The following VWF variants were observed in gnomAD, a reference collection of about 807,000 sequenced individuals.
VWF encodes the protein von Willebrand factor.
VWF carries 176 observed loss-of-function variants against 308.6 expected under a neutral mutation model. That is an observed-to-expected ratio of 0.57 (90% CI 0.50 to 0.65). The LOEUF is 0.65. Ranked by LOEUF, VWF falls within the 30% of genes least tolerant of loss-of-function variation. The pLI is 0.00. For missense variants in VWF, 3,146 were observed against 3,648.2 expected (o/e 0.86, Z 3.55); for synonymous variants, 1,385 against 1,443.4 (o/e 0.96, Z 0.92).
chr12:6,049,994 G>A (rs944161196), intron 16 of VWF, among the ~76,000 whole-genome samples: 3 of 152,052 alleles, frequency 2.0e-5, no homozygotes, highest in East Asian at 1.9e-4. Flanking sequence ...AGGGATCCTC[G>A]CTACTCTCAT....
Position 5,967,505 on chromosome 12 carries a change from G to C in VWF, c.7868C>G (p.Thr2623Ser). ...SGFKLECRKT[T>S]CNPCPLGYKE... Reference sequence around the variant, plus strand: ...TCTTACCAGGGGGCAGGGGTTGCAGGTGGTCTTCCTGCACTCCAGCTTGAA... The same window carrying C: ...TCTTACCAGGGGGCAGGGGTTGCAGCTGGTCTTCCTGCACTCCAGCTTGAA... The change falls in exon 47 of 52, where the codon ACC becomes AGC. Residue 2623 changes from threonine (T) to serine (S), a missense_variant. This residue lies in a region of VWF where 989 missense variants were observed against 1,117.4 expected (regional missense o/e 0.89). Transcript: ENST00000261405. The C allele has an allele frequency of 9.3e-6, 15 of 1,614,148 alleles. No individual in the cohort carries two copies. Among genetic ancestry groups the C allele is most frequent in the Non-Finnish European group, 1.3e-5 (15 of 1,180,022 alleles).
Position 6,057,151 on chromosome 12 carries a change from A to T in VWF, c.1730-79T>A. The T allele has an allele frequency of 2.2e-6, 3 of 1,349,336 alleles. No individual in the cohort carries two copies. The South Asian group carries it at 4.0e-5, about 18-fold the overall frequency. The allele number at this position is 1,349,336 out of a possible 1,614,324, so 83.6% of individuals were successfully genotyped here. A position where few individuals can be genotyped will look rare whatever the true frequency, so the allele number is the denominator to read the frequency against. On this transcript the variant is annotated intron_variant, in intron 14 of 51. Coordinates refer to ENST00000261405, the MANE Select transcript of VWF (RefSeq NM_000552.5). The stretch of plus-strand genomic sequence containing the variant: ...GCCCTCCCGGTCAACACTCCCCTGG[A>T]AATAGCCCAGTGCTGCTAATAGAGG...
At position 6,046,597 on chromosome 12, in the gene VWF, A is replaced by T; in HGVS notation, c.2281+126T>A. 2 of 966,090 alleles carry T rather than the reference A, an allele frequency of 2.1e-6. No individual in the cohort carries two copies. Among genetic ancestry groups the T allele is most frequent in the Non-Finnish European group, 3.3e-6 (2 of 610,640 alleles). 59.8% of individuals were successfully genotyped at this position (966,090 alleles called of 1,614,324 possible). On this transcript the variant is annotated intron_variant, in intron 17 of 51. Transcript: ENST00000261405. This position sits in a 1 kb window ranked among gnomAD's most constrained non-coding sequence, Gnocchi z 5.0. Reference sequence around the variant, plus strand: ...CCAGAAATGAAGGCGATCCTGGGCGAAGCCAGACCCATGCCTGGGTGCACA... The same window carrying T: ...CCAGAAATGAAGGCGATCCTGGGCGTAGCCAGACCCATGCCTGGGTGCACA...
rs571169657 is a variant in VWF at position 6,059,370 on chromosome 12, G to A, written c.1534-1326C>T. Among the ~76,000 whole-genome samples, 5 of 152,326 alleles carry A rather than the reference G, an allele frequency of 3.3e-5. 1 individual carries two copies. The highest frequency in any genetic ancestry group is 1.2e-4 in the African/African-American group (5 of 41,578). ...TAGAACTTAAGCTAAATGAGGCAAGGATTTTTGTCTGTTTTGTCTCACTGC... is the reference window on the plus strand; with the variant it reads ...TAGAACTTAAGCTAAATGAGGCAAGAATTTTTGTCTGTTTTGTCTCACTGC... On this transcript the variant is annotated intron_variant, in intron 13 of 51. Coordinates refer to ENST00000261405, the MANE Select transcript of VWF (RefSeq NM_000552.5).
chr12:5,983,372 G>A lies in VWF; in HGVS notation c.6977-118C>T, dbSNP rs933434162. On this transcript the variant is annotated intron_variant, in intron 40 of 51. Coordinates refer to ENST00000261405, the MANE Select transcript of VWF (RefSeq NM_000552.5). ...ACTTCTACTGTTTTAGGTAAGTGAT[G>A]ATGATGGAGACAGAGATTACATGGG... 7.3e-5 allele frequency: 65 copies of A among 895,854 alleles called. No individual in the cohort carries two copies. The African/African-American group carries it at 7.8e-4, about 11-fold the overall frequency. 55.5% of individuals were successfully genotyped at this position (895,854 alleles called of 1,614,324 possible). A position where few individuals can be genotyped will look rare whatever the true frequency, so the allele number is the denominator to read the frequency against.
intron 18 of VWF, among the ~76,000 whole-genome samples, chr12:6,036,805 C>T (rs1214457455): frequency 1.3e-5 from 2 of 152,178 alleles, no homozygotes; most frequent in Non-Finnish European, 2.9e-5. Context: ...GACATTTTTG[C>T]AAAGGTACTT....
intron 3 of VWF, among the ~76,000 whole-genome samples, chr12:6,113,229 A>G (rs1238149485): frequency 6.6e-6 from 1 of 152,190 alleles, no homozygotes; most frequent in Non-Finnish European, 1.5e-5. Flanking sequence ...GAAGCTGAAC[A>G]AACTTACTGA....
intron 6 of VWF, among the ~76,000 whole-genome samples, chr12:6,092,175 C>A (rs1945041620): frequency 6.6e-6 from 1 of 152,132 alleles, no homozygotes; most frequent in Admixed American, 6.6e-5. Flanking sequence ...CGGACTCCCC[C>A]TTGGCCAAAG....
Position 6,073,671 on chromosome 12 carries a change from C to T in VWF, c.945G>A (p.Leu315=). 1.2e-6 allele frequency: 2 copies of T among 1,614,090 alleles called. No individual in the cohort carries two copies. The highest frequency in any genetic ancestry group is 1.7e-6 in the Non-Finnish European group (2 of 1,180,004). The stretch of plus-strand genomic sequence containing the variant: ...GCTCCTGACACATTTCATTGATGTG[C>T]AGGCTCTGGCAGGTCCTGGCGCAAG... ...VSPCARTCQS[L]HINEMCQERC... The change falls in exon 8 of 52, where the codon CTG becomes CTA. Residue 315 remains leucine (L), a synonymous_variant. Coordinates refer to ENST00000261405, the MANE Select transcript of VWF (RefSeq NM_000552.5).
chr12:6,095,502 A>G lies in VWF; in HGVS notation c.615T>C (p.Pro205=). ...SGEQWCERAS[P]PSSSCNISSG... Reference sequence around the variant, plus strand: ...AGGAGATGTTGCATGAGCTGCTGGGAGGAGATGCCCGTTCACACCACTGTT... The same window carrying G: ...AGGAGATGTTGCATGAGCTGCTGGGGGGAGATGCCCGTTCACACCACTGTT... The change falls in exon 6 of 52, where the codon CCT becomes CCC. Residue 205 remains proline, a synonymous_variant. Transcript: ENST00000261405. 1 of 1,614,094 alleles carries G rather than the reference A, an allele frequency of 6.2e-7. No homozygotes were observed. Among genetic ancestry groups the G allele is most frequent in the Non-Finnish European group, 8.5e-7 (1 of 1,180,014 alleles).
chr12:6,104,699 A>G (rs932056245), intron 5 of VWF, among the ~76,000 whole-genome samples: 5 of 146,726 alleles, frequency 3.4e-5, no homozygotes, highest in African/African-American at 9.9e-5. Flanking sequence ...TCTGTCTCGG[A>G]AAAAAAAAAA....
chr12:6,062,833 G>C (rs990651566), intron 13 of VWF, 121 bp downstream of exon 13: 28 of 793,716 alleles, frequency 3.5e-5, no homozygotes, highest in Admixed American at 1.2e-4. Context: ...CGCTCTGGGG[G>C]TGTAGGCCAT....
intron 34 of VWF, among the ~76,000 whole-genome samples, chr12:6,002,748 G>A (rs1434976890): frequency 1.3e-5 from 2 of 152,038 alleles, no homozygotes; most frequent in Non-Finnish European, 2.9e-5. Context: ...AACTTCCAAA[G>A]ACCTGATAGT....
At chr12:6,068,027 C>A (rs894891013) in intron 10 of VWF, among the ~76,000 whole-genome samples, 1 of 150,044 alleles carries the variant, frequency 6.7e-6, no homozygotes, top group Non-Finnish European at 1.5e-5. Flanking sequence ...CCCAGCTACT[C>A]GGGAGGCTGA....
At chr12:5,984,571 C>T (rs772236401) in intron 40 of VWF, among the ~76,000 whole-genome samples, 3 of 152,346 alleles carry the variant, frequency 2.0e-5, no homozygotes, top group African/African-American at 7.2e-5. Flanking sequence ...CCATGCTAAC[C>T]GTAATTCCAT....
In VWF at chr12:5,952,123, A is replaced by G. The variant is rs1331249072; in HGVS notation, c.8116-240T>C. 4.7e-6 allele frequency: 3 copies of G among 639,546 alleles called. No individual in the cohort carries two copies. In the African/African-American group the frequency reaches 5.5e-5, roughly 12 times the overall value. 39.6% of individuals were successfully genotyped at this position (639,546 alleles called of 1,614,324 possible). ...GTCATCAGGATCTTCATTCCCAGGG[A>G]GACTAAAAATCAGTTTGATCTCACA... On this transcript the variant is annotated intron_variant, in intron 49 of 51. Transcript: ENST00000261405.
intron 3 of VWF, among the ~76,000 whole-genome samples, chr12:6,111,893 G>A (rs1945311916): frequency 6.6e-6 from 1 of 152,016 alleles, no homozygotes; most frequent in South Asian, 2.1e-4. Context: ...AGGAGGCGGA[G>A]CTTGCAGTGA....
chr12:5,995,455 C>G (rs1187913748), intron 35 of VWF, among the ~76,000 whole-genome samples: 1 of 152,098 alleles, frequency 6.6e-6, no homozygotes, highest in Non-Finnish European at 1.5e-5. Flanking sequence ...AAGTTGTTTT[C>G]ACACAATGAA....
intron 3 of VWF, among the ~76,000 whole-genome samples, chr12:6,118,095 A>AT (rs1215449690): frequency 6.6e-6 from 1 of 152,164 alleles, no homozygotes; most frequent in Non-Finnish European, 1.5e-5. Flanking sequence ...CACACGCTAC[A>AT]TGTCCCCACC....
Sources: gnomAD v4.1 joint callset for allele counts (sites outside exome capture counted in the v4.1 genomes callset) on GRCh38, gnomAD v4.1.1 for gene constraint, gnomAD v4.1.1 regional missense constraint, Gnocchi (gnomAD v3.1) non-coding constraint, MANE v1.5 for transcripts, NCBI Gene and HGNC (gene_info 2026-07-23, HGNC 2026-07-21) for gene names.